The following CPLANE1 variants were observed in gnomAD, a reference collection of about 807,000 sequenced individuals.
The protein encoded by CPLANE1 is ciliogenesis and planar polarity effector 1.
In CPLANE1, 263 loss-of-function variants were observed where a neutral mutation model predicts 362.5. The observed-to-expected ratio is 0.73, with a 90% CI of 0.66 to 0.80. CPLANE1 has a LOEUF of 0.80. CPLANE1 is among the 30% of genes least tolerant of loss of function. The pLI, the probability that CPLANE1 is intolerant of heterozygous loss-of-function variation, is 0.00. For missense variants in CPLANE1, 3,461 were observed against 3,793.4 expected (o/e 0.91, Z 2.30); for synonymous variants, 1,212 against 1,302.6 (o/e 0.93, Z 1.50).
intron 35 of CPLANE1, 57 bp from the exon 36 acceptor site, chr5:37,165,728 C>A: frequency 6.7e-7 from 1 of 1,494,162 alleles, no homozygotes; most frequent in Non-Finnish European, 9.0e-7. Flanking sequence ...ATTTGCTTTT[C>A]ATTTATCATG....
At chr5:37,212,440 C>T in intron 16 of CPLANE1, 1 of 731,804 alleles carries the variant, frequency 1.4e-6, no homozygotes, top group Non-Finnish European at 2.6e-6. Context: ...AACATTTACT[C>T]CTTTGTAAAT....
chr5:37,175,802 G>T, intron 31 of CPLANE1, 107 bp downstream of exon 31: 1 of 741,378 alleles, frequency 1.3e-6, no homozygotes, highest in Non-Finnish European at 2.3e-6. Context: ...TTAGTTTTTA[G>T]TCAAAATGTA....
Position 37,238,886 on chromosome 5 carries a change from C to T in CPLANE1, c.909G>A (p.Lys303=). 6.5e-7 allele frequency: 1 copy of T among 1,530,484 alleles called. No individual in the cohort carries two copies. The highest frequency in any genetic ancestry group is 8.8e-7 in the Non-Finnish European group (1 of 1,138,114). The allele number at this position is 1,530,484 out of a possible 1,614,324, so 94.8% of individuals were successfully genotyped here. A position where few individuals can be genotyped will look rare whatever the true frequency, so the allele number is the denominator to read the frequency against. The change falls in exon 8 of 53, where the codon AAG becomes AAA. Residue 303 remains lysine (K), a synonymous_variant. Transcript: ENST00000651892. ...LCGSLKGCSN[K]SPVVPATLIR... The stretch of plus-strand genomic sequence containing the variant: ...TAAGTGTAGCTGGAACCACGGGACT[C>T]TTGTTACTACATCCTTTAAGGCTAC...
intron 41 of CPLANE1, 29 bp downstream of exon 41, chr5:37,157,284 G>A: frequency 8.0e-7 from 1 of 1,253,392 alleles, no homozygotes; most frequent in Non-Finnish European, 1.1e-6. Context: ...ATTCAGGAGA[G>A]GGTCATGCTA....
At chr5:37,204,657 T>C (rs745790765) in intron 18 of CPLANE1, among the ~76,000 whole-genome samples, 6 of 151,612 alleles carry the variant, frequency 4.0e-5, no homozygotes, top group Non-Finnish European at 7.4e-5. Context: ...GTATGAAGGC[T>C]ACTCTCAACA....
the CPLANE1 span, among the ~76,000 whole-genome samples, chr5:37,091,551 T>TA: frequency 1.3e-5 from 2 of 151,898 alleles, no homozygotes; most frequent in African/African-American, 4.8e-5. Context: ...GGAGTATGAG[T>TA]AAAAACCCTC....
intron 21 of CPLANE1, among the ~76,000 whole-genome samples, chr5:37,194,377 C>A (rs2151334084): frequency 6.6e-6 from 1 of 152,258 alleles, no homozygotes; most frequent in Non-Finnish European, 1.5e-5. Context: ...AGGACTATGT[C>A]CCTATTTATG....
the CPLANE1 span, among the ~76,000 whole-genome samples, chr5:37,090,722 T>C: frequency 6.6e-6 from 1 of 152,182 alleles, no homozygotes; most frequent in Non-Finnish European, 1.5e-5. Context: ...TACTAGCACT[T>C]AGAGAGCTGA....
downstream of CPLANE1, among the ~76,000 whole-genome samples, chr5:37,101,450 C>T (rs1022973547): frequency 1.3e-5 from 2 of 152,060 alleles, no homozygotes; most frequent in Non-Finnish European, 2.9e-5. Flanking sequence ...GGGAGGAAGC[C>T]GACTTGATCA....
rs1790723862 is a variant in CPLANE1 at position 37,206,310 on chromosome 5, A to G, written c.3036T>C (p.Gly1012=). The part of the protein sequence containing the change: ...VEYALELLFI[G]GLVPEAVWLA... ...ACCACACAGCCTCTGGAACCAGGCC[A>G]CCAATAAATAGTAATTCAAGTGCAT... is the stretch of plus-strand genomic sequence containing the variant. Residue 1012 remains glycine, a synonymous_variant, in exon 17 of 53, where the codon GGT becomes GGC. Transcript: ENST00000651892. 6.4e-7 allele frequency: 1 copy of G among 1,551,582 alleles called. No individual in the cohort carries two copies. The highest frequency in any genetic ancestry group is 8.7e-7 in the Non-Finnish European group (1 of 1,146,942).
chr5:37,228,668 T>C (rs759336175), intron 9 of CPLANE1, among the ~76,000 whole-genome samples: 3 of 152,194 alleles, frequency 2.0e-5, no homozygotes, highest in Non-Finnish European at 2.9e-5. Flanking sequence ...ATTTTTAAAA[T>C]GTGGGGGACA....
intron 21 of CPLANE1, among the ~76,000 whole-genome samples, chr5:37,190,188 G>C (rs1785130341): frequency 2.0e-5 from 3 of 152,060 alleles, no homozygotes; most frequent in African/African-American, 7.2e-5. Context: ...AACCAGAATA[G>C]AACGGGTTCT....
chr5:37,138,726 G>A lies in CPLANE1; in HGVS notation c.8786C>T (p.Thr2929Ile). The A allele has an allele frequency of 2.5e-6, 4 of 1,605,864 alleles. No homozygotes were observed. The highest frequency in any genetic ancestry group is 3.4e-6 in the Non-Finnish European group (4 of 1,177,880). Residue 2929 changes from threonine (T) to isoleucine (I), a missense_variant, in exon 46 of 53, where the codon ACC (threonine) becomes ATC (isoleucine). By Grantham distance (89) the Thr-to-Ile change is moderately conservative (BLOSUM62 -1). This residue lies in a region of CPLANE1 where 3,380 missense variants were observed against 3,666.1 expected (regional missense o/e 0.92). Coordinates refer to ENST00000651892, the MANE Select transcript of CPLANE1 (RefSeq NM_001384732.1). ...TGAATTATTCAATGATTACCTGGAG[G>A]TGCCCATAGCTTGTTCTGTTAAGCC... ...ELGLTEQAMG[T>I]SRIQHYSGRH...
At chr5:37,092,424 C>T in the CPLANE1 span, among the ~76,000 whole-genome samples, 1 of 152,246 alleles carries the variant, frequency 6.6e-6, no homozygotes, top group African/African-American at 2.4e-5. Flanking sequence ...ATGCCACTTT[C>T]CCAAACATTC....
chr5:37,215,826 TTC>T, intron 15 of CPLANE1, among the ~76,000 whole-genome samples: 1 of 150,308 alleles, frequency 6.7e-6, no homozygotes, highest in African/African-American at 2.5e-5. Context: ...TAAGATTTTT[TTC>T]TTTTTTTCTT....
At chr5:37,097,531 C>A in the CPLANE1 span, among the ~76,000 whole-genome samples, 1 of 152,234 alleles carries the variant, frequency 6.6e-6, no homozygotes, top group Admixed American at 6.5e-5. Flanking sequence ...CAGACACCCA[C>A]AAATAGATAA....
chr5:37,140,296 C>T, intron 44 of CPLANE1: 6 of 972,574 alleles, frequency 6.2e-6, no homozygotes, highest in Non-Finnish European at 7.3e-6. Flanking sequence ...GTCCCTAAGA[C>T]TTACACATTC....
chr5:37,169,114 C>G lies in CPLANE1; in HGVS notation c.6910G>C (p.Ala2304Pro), dbSNP rs377342410. Residue 2304 changes from alanine (A) to proline (P), a missense_variant, in exon 34 of 53, where the codon GCA (alanine) becomes CCA (proline). Ala to Pro is a conservative substitution (Grantham distance 27). This residue lies in a region of CPLANE1 where 3,380 missense variants were observed against 3,666.1 expected (regional missense o/e 0.92). Transcript: ENST00000651892. Reference protein sequence around the residue: ...RKKEVEQKTWAETVITEIPNH... With the variant: ...RKKEVEQKTWPETVITEIPNH... ...GGAATTTCTGTAATTACAGTTTCTG[C>G]CCACGTCTTCTGCTCAACTTCTTTT... is the stretch of plus-strand genomic sequence containing the variant. 3.2e-5 allele frequency: 52 copies of G among 1,614,014 alleles called. No individual in the cohort carries two copies. Among genetic ancestry groups the G allele is most frequent in the Non-Finnish European group, 4.3e-5 (51 of 1,180,024 alleles).
the CPLANE1 span, among the ~76,000 whole-genome samples, chr5:37,080,036 T>C: frequency 6.6e-6 from 1 of 152,248 alleles, no homozygotes; most frequent in Non-Finnish European, 1.5e-5. Flanking sequence ...CAGATCTTCG[T>C]GTCTTGAAGA....
Sources: allele counts gnomAD v4.1 joint callset (sites outside exome capture counted in the v4.1 genomes callset), GRCh38; gene constraint gnomAD v4.1.1; regional missense constraint gnomAD v4.1.1; transcripts MANE v1.5; gene names NCBI Gene and HGNC (gene_info 2026-07-23, HGNC 2026-07-21).